SACS: variants seen among roughly 807,000 people sequenced by gnomAD.
The protein encoded by SACS is sacsin molecular chaperone, also known as sacsin.
SACS carries 197 observed loss-of-function variants against 348.0 expected under a neutral mutation model. The ratio of observed to expected loss-of-function variants is 0.57; its 90% CI spans 0.50 to 0.64. The LOEUF (loss-of-function observed/expected upper bound fraction) is 0.64. Ranked by LOEUF, SACS falls within the 30% of genes least tolerant of loss-of-function variation. SACS has a pLI of 0.00. For synonymous variants in SACS, 1,985 were observed against 1,910.6 expected, an observed-to-expected ratio of 1.04 and a Z score of -1.02; for missense variants, 4,999 against 5,360.8, an observed-to-expected ratio of 0.93 and a Z score of 2.11.
chr13:23,370,895 G>A (rs1011469710), intron 4 of SACS, among the ~76,000 whole-genome samples, 183 bp downstream of exon 4: 3 of 152,156 alleles, frequency 2.0e-5, no homozygotes, highest in African/African-American at 7.2e-5. Context: ...CAGAGGCTGA[G>A]ACACGAGAAT....
intron 1 of SACS, among the ~76,000 whole-genome samples, chr13:23,431,170 G>T (rs1452736314): frequency 1.3e-5 from 2 of 152,244 alleles, no homozygotes; most frequent in African/African-American, 4.8e-5. Context: ...GTTGTAAACT[G>T]AGGCTACCCC....
In SACS at chr13:23,357,364, T is replaced by C. The variant is rs542956730; in HGVS notation, c.604+971A>G. 2.0e-5 allele frequency among the ~76,000 whole-genome samples: 3 copies of C among 152,340 alleles called. No homozygotes were observed. In the South Asian group the frequency reaches 6.2e-4, roughly 32 times the overall value. On this transcript the variant is annotated intron_variant, in intron 7 of 9. Coordinates refer to ENST00000382292, the MANE Select transcript of SACS (RefSeq NM_014363.6). ...ATAATTTAATTTTGATTATATGATT[T>C]GTAATTTAGTCAATATTATTTAATA... is the stretch of plus-strand genomic sequence containing the variant.
At chr13:23,418,152 A>G (rs1873760498) in intron 1 of SACS, among the ~76,000 whole-genome samples, 1 of 152,106 alleles carries the variant, frequency 6.6e-6, no homozygotes. Flanking sequence ...TATTTGCCAC[A>G]CAGCAATCAG....
chr13:23,433,187 A>G (rs754712518), intron 1 of SACS, among the ~76,000 whole-genome samples: 2 of 152,158 alleles, frequency 1.3e-5, no homozygotes, highest in African/African-American at 2.4e-5. Context: ...TTATTGTTCA[A>G]TAAGACTCTG....
intron 5 of SACS, among the ~76,000 whole-genome samples, chr13:23,366,489 C>A (rs540421861): frequency 1.5e-3 from 234 of 152,122 alleles, no homozygotes; most frequent in African/African-American, 5.3e-3. Context: ...CCCAGAGAAT[C>A]CCTAAAAATT....
rs1245406979 is a variant in SACS at position 23,387,186 on chromosome 13, G to A, written c.21-11917C>T. 6.6e-5 allele frequency among the ~76,000 whole-genome samples: 10 copies of A among 152,036 alleles called. 1 individual carries two copies. ...TGTTAAAAACGAATGTCGGCCGGGC[G>A]CGGTGGCTCACGCCTGTAATCCCAG... On this transcript the variant is annotated intron_variant, in intron 2 of 9. Coordinates refer to ENST00000382292, the MANE Select transcript of SACS (RefSeq NM_014363.6).
intron 8 of SACS, 48 bp downstream of exon 8, chr13:23,354,471 C>A (rs200152167): frequency 2.6e-6 from 4 of 1,517,468 alleles, no homozygotes. Context: ...TGAGCAGGAG[C>A]AGGGGAACCC....
intron 1 of SACS, among the ~76,000 whole-genome samples, chr13:23,424,210 A>T (rs548247600): frequency 2.0e-5 from 3 of 152,184 alleles, no homozygotes; most frequent in Non-Finnish European, 4.4e-5. Context: ...ATTTCCAAAC[A>T]TATGTTTTGG....
At chr13:23,369,903 G>A (rs2137809293) in intron 4 of SACS, among the ~76,000 whole-genome samples, 1 of 151,200 alleles carries the variant, frequency 6.6e-6, no homozygotes, top group South Asian at 2.1e-4. Flanking sequence ...CTGTCTCCTG[G>A]GCTGGAGTGC....
intron 2 of SACS, among the ~76,000 whole-genome samples, chr13:23,390,403 T>C (rs1872484668): frequency 6.6e-6 from 1 of 152,204 alleles, no homozygotes; most frequent in African/African-American, 2.4e-5. Context: ...CTCACACTTG[T>C]AATCCCAGCA....
chr13:23,420,864 C>T (rs545971168), intron 1 of SACS, among the ~76,000 whole-genome samples: 7 of 152,250 alleles, frequency 4.6e-5, no homozygotes, highest in African/African-American at 1.4e-4. Context: ...CACCTGGGGC[C>T]GGATTGTCCA....
chr13:23,395,133 G>GT (rs553869425), intron 2 of SACS, among the ~76,000 whole-genome samples: 2 of 129,398 alleles, frequency 1.5e-5, no homozygotes, highest in South Asian at 5.2e-4. Context: ...GGGCTTCCCT[G>GT]TTTATTAAAT....
intron 2 of SACS, chr13:23,375,671 A>G (rs1464954028): frequency 1.6e-5 from 8 of 500,692 alleles, no homozygotes; most frequent in Non-Finnish European, 1.8e-5. Context: ...CCCCGCCCCC[A>G]GGGAACGCCC....
rs762542511 is a variant in SACS, at chr13:23,333,820, T to C, written c.10056A>G (p.Thr3352=). 1.2e-6 allele frequency: 2 copies of C among 1,613,774 alleles called. No homozygotes were observed. Among genetic ancestry groups the C allele is most frequent in the Admixed American group, 1.7e-5 (1 of 59,988 alleles). ...TGCTTGTGGGGCTCTCTATATTTGC[T>C]GTGTGACATGACAACAAAGGAACAA... is the stretch of plus-strand genomic sequence containing the variant. The part of the protein sequence containing the change: ...SAFVPLLSCH[T]ANIESPTSIL... Residue 3352 remains threonine (T), a synonymous_variant, in exon 10 of 10, where the codon ACA becomes ACG. Transcript: ENST00000382292.
In SACS at chr13:23,338,432, C is replaced by T. The variant is rs759437951; in HGVS notation, c.5444G>A (p.Cys1815Tyr). 1.9e-6 allele frequency: 3 copies of T among 1,614,114 alleles called. No homozygotes were observed. The highest frequency in any genetic ancestry group is 1.1e-5 in the South Asian group (1 of 91,088). ...GCAAGTACACAGAAGCCACGTGGTA[C>T]ACTCTACTGTTTTCTGTGACAACTC... is the stretch of plus-strand genomic sequence containing the variant. Reference protein sequence around the residue: ...SDELSQKTVECTTWLLCTCMD... With the variant: ...SDELSQKTVEYTTWLLCTCMD... Residue 1815 changes from cysteine to tyrosine, a missense_variant, in exon 10 of 10, where the codon TGT (cysteine) becomes TAT (tyrosine). Physicochemically the swap from Cys to Tyr is radical, Grantham distance 194 (BLOSUM62 -2). Around this residue, in one of 6 missense-constraint regions of SACS, gnomAD observed 3,156 missense variants for 3,380.1 expected, o/e 0.93. Coordinates refer to ENST00000382292, the MANE Select transcript of SACS (RefSeq NM_014363.6).
At chr13:23,409,128 CTGAT>C (rs1380575039) in intron 2 of SACS, among the ~76,000 whole-genome samples, 9 of 117,382 alleles carry the variant, frequency 7.7e-5, no homozygotes, top group African/African-American at 9.9e-5. Flanking sequence ...TTTCGGCTCA[CTGAT>C]TGCAAGCTCC....
At chr13:23,362,494 T>A (rs1870799374) in intron 6 of SACS, among the ~76,000 whole-genome samples, 1 of 151,326 alleles carries the variant, frequency 6.6e-6, no homozygotes, top group Non-Finnish European at 1.5e-5. Context: ...TATTCTCAAA[T>A]ACACAAGAGC....
chr13:23,406,082 G>A (rs973529094), intron 2 of SACS, among the ~76,000 whole-genome samples: 2 of 152,132 alleles, frequency 1.3e-5, no homozygotes, highest in Admixed American at 6.5e-5. Flanking sequence ...ACATGCACAC[G>A]TATGTTTATT....
rs771277349 is a variant in SACS, at chr13:23,339,762, G to T, written c.4114C>A (p.Pro1372Thr). The T allele has an allele frequency of 2.2e-5, 35 of 1,614,080 alleles. 1 individual carries two copies. In the South Asian group the frequency reaches 3.6e-4, roughly 17 times the overall value. The stretch of plus-strand genomic sequence containing the variant: ...GGAACTGGTGTGTTGGGGCTTGCTG[G>T]AATCTGATTGCTATACAGCCATCTG... ...IIRWLYSNQIPASPNTPVPIH... is the reference protein window; with the variant it reads ...IIRWLYSNQITASPNTPVPIH... Residue 1372 changes from proline (P) to threonine (T), a missense_variant, in exon 10 of 10, where the codon CCA (proline) becomes ACA (threonine). Coordinates refer to ENST00000382292, the MANE Select transcript of SACS (RefSeq NM_014363.6).
Sources: allele counts gnomAD v4.1 joint callset (sites outside exome capture counted in the v4.1 genomes callset), GRCh38; gene constraint gnomAD v4.1.1; regional missense constraint gnomAD v4.1.1; transcripts MANE v1.5; gene names NCBI Gene and HGNC (gene_info 2026-07-23, HGNC 2026-07-21).